The following CTCFL variants were observed in gnomAD, a reference collection of about 807,000 sequenced individuals.
CTCFL encodes CCCTC-binding factor like.
A neutral mutation model predicts 67.4 loss-of-function variants in CTCFL; 36 were observed. The ratio of observed to expected loss-of-function variants is 0.53; its 90% CI spans 0.41 to 0.71. The LOEUF (loss-of-function observed/expected upper bound fraction) is 0.71. Ranked by LOEUF, CTCFL falls within the 30% of genes least tolerant of loss-of-function variation. The probability of loss-of-function intolerance (pLI) is 0.00; values close to 1 mark genes in which losing one functional copy is unlikely to be tolerated. For missense variants in CTCFL, 786 were observed against 835.2 expected (o/e 0.94, Z 0.73); for synonymous variants, 324 against 302.3 (o/e 1.07, Z -0.75).
chr20:57,518,174 G>A (rs1336021586), intron 5 of CTCFL, among the ~76,000 whole-genome samples: 2 of 152,214 alleles, frequency 1.3e-5, no homozygotes, highest in African/African-American at 4.8e-5. Context: ...CAATTAACTG[G>A]TGGAAACTGG....
chr20:57,519,142 T>G, intron 4 of CTCFL, 65 bp downstream of exon 4: 1 of 1,500,540 alleles, frequency 6.7e-7, no homozygotes, highest in Admixed American at 1.9e-5. Flanking sequence ...ACAGGTGGAT[T>G]CACATTCTTA....
At chr20:57,515,515 G>C in intron 6 of CTCFL, 199 bp downstream of exon 6, 1 of 619,134 alleles carries the variant, frequency 1.6e-6, no homozygotes, top group South Asian at 2.0e-5. Flanking sequence ...ACACAGTGGG[G>C]TTGTGGCACA....
intron 10 of CTCFL, among the ~76,000 whole-genome samples, chr20:57,500,704 A>G (rs1056042116): frequency 3.9e-5 from 6 of 152,218 alleles, no homozygotes; most frequent in African/African-American, 1.4e-4. Flanking sequence ...TCCTATCATC[A>G]GTTTTTAAGC....
Position 57,498,228 on chromosome 20 carries a change from T to C in CTCFL, c.*322A>G. 1 of 1,017,342 alleles carries C rather than the reference T, an allele frequency of 9.8e-7. No individual in the cohort carries two copies. The highest frequency in any genetic ancestry group is 1.2e-6 in the Non-Finnish European group (1 of 850,660). The allele number at this position is 1,017,342 out of a possible 1,614,324, so 63.0% of individuals were successfully genotyped here. A position where few individuals can be genotyped will look rare whatever the true frequency, so the allele number is the denominator to read the frequency against. ...TGCCAATATCAAGTGAATGAATCCA[T>C]AGGTTTGAGGTGTTACCCTCTCATT... On this transcript the variant is annotated 3_prime_UTR_variant, in exon 11 of 11. Coordinates refer to ENST00000243914, the MANE Select transcript of CTCFL (RefSeq NM_001386993.1).
chr20:57,523,806 C>A lies in CTCFL; in HGVS notation c.400G>T (p.Val134Leu), dbSNP rs1157493820. The A allele has an allele frequency of 6.2e-7, 1 of 1,613,186 alleles. No homozygotes were observed. The highest frequency in any genetic ancestry group is 1.1e-5 in the South Asian group (1 of 91,082). Reference protein sequence around the residue: ...EGPRQSLQQCVAISIQQELYS... With the variant: ...EGPRQSLQQCLAISIQQELYS... Reference sequence around the variant, plus strand: ...AGCTCTTGCTGGATACTAATGGCCACACACTGCTGCAGGCTCTGCCGGGGC... The same window carrying A: ...AGCTCTTGCTGGATACTAATGGCCAAACACTGCTGCAGGCTCTGCCGGGGC... Residue 134 changes from valine (V) to leucine (L), a missense_variant, in exon 2 of 11, where the codon GTG becomes TTG. Physicochemically the swap from Val to Leu is conservative, Grantham distance 32. Transcript: ENST00000243914.
In CTCFL at chr20:57,519,268, G is replaced by A. The variant is rs141446239; in HGVS notation, c.864C>T (p.His288=). 5 of 1,614,028 alleles carry A rather than the reference G, an allele frequency of 3.1e-6. No individual in the cohort carries two copies. In the African/African-American group the frequency reaches 4.0e-5, roughly 13 times the overall value. The part of the protein sequence containing the change: ...THTSEKPHLC[H]LCLKTFRTVT... ...CCGTACGGAAGGTTTTCAGGCAGAG[G>A]TGACACAGGTGAGGCTTCTCACTGG... Residue 288 remains histidine (H), a synonymous_variant, in exon 4 of 11, where the codon CAC becomes CAT. Transcript: ENST00000243914.
chr20:57,507,862 T>C, intron 9 of CTCFL: 2 of 703,030 alleles, frequency 2.8e-6, no homozygotes, highest in South Asian at 3.0e-5. Flanking sequence ...CAGAAATAGA[T>C]AACTAATACA....
Position 57,524,779 on chromosome 20 carries a change from G to C in CTCFL, c.-12+249C>G, listed in dbSNP as rs77528604. On this transcript the variant is annotated intron_variant, in intron 1 of 10. Coordinates refer to ENST00000243914, the MANE Select transcript of CTCFL (RefSeq NM_001386993.1). ...AGCCAGGCAGGCTTTGGGCCTAGTG[G>C]CCTCGAGCCCACCCAGACTTGGCCA... 21 of 986,542 alleles carry C rather than the reference G, an allele frequency of 2.1e-5. 1 individual carries two copies. In the East Asian group the frequency reaches 1.9e-3, roughly 91 times the overall value. The allele number at this position is 986,542 out of a possible 1,614,324, so 61.1% of individuals were successfully genotyped here.
rs771513709 is a variant in CTCFL at position 57,498,594 on chromosome 20, CA to C, written c.1947del (p.Asp649GlufsTer4). On this transcript the variant is annotated frameshift_variant, in exon 11 of 11. Coordinates refer to ENST00000243914, the MANE Select transcript of CTCFL (RefSeq NM_001386993.1). LOFTEE classifies it high-confidence loss of function. ...ETTARVKEEV[D>X]EGVTCEMLLN... Reference sequence around the variant, plus strand: ...AGGAGCATTTCACAGGTCACGCCTTCATCCACTTCCTCTTTGACTCTGGCTG... The same window carrying C: ...AGGAGCATTTCACAGGTCACGCCTTCTCCACTTCCTCTTTGACTCTGGCTG... The C allele has an allele frequency of 1.1e-5, 17 of 1,614,050 alleles. No homozygotes were observed. In the Admixed American group the frequency reaches 2.8e-4, roughly 27 times the overall value.
intron 9 of CTCFL, among the ~76,000 whole-genome samples, chr20:57,504,127 T>C (rs1438600852): frequency 4.7e-5 from 7 of 150,268 alleles, no homozygotes; most frequent in Admixed American, 1.3e-4. Flanking sequence ...CAGGCACCCG[T>C]CACCACGCCC....
chr20:57,521,287 G>A (rs2069339958), intron 3 of CTCFL, among the ~76,000 whole-genome samples: 1 of 152,190 alleles, frequency 6.6e-6, no homozygotes, highest in Non-Finnish European at 1.5e-5. Flanking sequence ...AGATACGTAA[G>A]TGACCAATGA....
At chr20:57,524,837 C>G in intron 1 of CTCFL, 191 bp downstream of exon 1, 1 of 844,834 alleles carries the variant, frequency 1.2e-6, no homozygotes, top group Non-Finnish European at 1.4e-6. Context: ...CACACTCCCT[C>G]GGAGGCCTGG....
chr20:57,524,251 G>A (rs2069671766), intron 1 of CTCFL, 35 bp from the exon 2 acceptor site: 2 of 1,569,352 alleles, frequency 1.3e-6, no homozygotes, highest in Admixed American at 1.8e-5. Context: ...TTCCATAGGG[G>A]GGAGAAGGGG....
intron 9 of CTCFL, 53 bp downstream of exon 9, chr20:57,508,553 T>G: frequency 2.3e-5 from 35 of 1,553,600 alleles, no homozygotes; most frequent in Middle Eastern, 1.7e-4. Context: ...ACTGTCCTCC[T>G]GAGATAGAGG....
chr20:57,515,587 T>C (rs753935152), intron 6 of CTCFL, 127 bp downstream of exon 6: 1 of 1,159,798 alleles, frequency 8.6e-7, no homozygotes, highest in Non-Finnish European at 1.3e-6. Context: ...GATTCTTTTA[T>C]CATGAAGGCA....
chr20:57,523,859 C>A lies in CTCFL; in HGVS notation c.347G>T (p.Gly116Val). ...EGVQVVVQQP[G>V]PGLLWLEEGP... ...TTCCTCAAGCCACAGCAACCCAGGG[C>A]CAGGCTGTTGCACCACCACCTGCAC... is the stretch of plus-strand genomic sequence containing the variant. The change falls in exon 2 of 11, where the codon GGC becomes GTC. Residue 116 changes from glycine to valine, a missense_variant. Around this residue, in one of 3 missense-constraint regions of CTCFL, gnomAD observed 333 missense variants for 304.6 expected, o/e 1.09. Transcript: ENST00000243914. 2 of 1,613,218 alleles carry A rather than the reference C, an allele frequency of 1.2e-6. No individual in the cohort carries two copies. Among genetic ancestry groups the A allele is most frequent in the Non-Finnish European group, 1.7e-6 (2 of 1,180,038 alleles).
At chr20:57,513,604 G>T in intron 7 of CTCFL, 1 of 1,133,152 alleles carries the variant, frequency 8.8e-7, no homozygotes, top group Non-Finnish European at 1.1e-6. Flanking sequence ...CTAGACTTGT[G>T]CCCCACCAAG....
At chr20:57,508,017 A>C in intron 9 of CTCFL, 1 of 613,654 alleles carries the variant, frequency 1.6e-6, no homozygotes, top group South Asian at 2.0e-5. Context: ...ATCGTGACTC[A>C]CTGTAGCCTC....
intron 1 of CTCFL, chr20:57,524,423 G>C: frequency 7.1e-7 from 1 of 1,402,310 alleles, no homozygotes; most frequent in Non-Finnish European, 9.2e-7. Context: ...GGCTAAAGCA[G>C]GATTTTGTAC....
Sources: gnomAD v4.1 joint callset for allele counts (sites outside exome capture counted in the v4.1 genomes callset) on GRCh38, gnomAD v4.1.1 for gene constraint, gnomAD v4.1.1 regional missense constraint, MANE v1.5 for transcripts, NCBI Gene and HGNC (gene_info 2026-07-23, HGNC 2026-07-21) for gene names.